Variants in ACBD6 observed in about 807,000 individuals in gnomAD.
ACBD6 encodes acyl-CoA binding domain containing 6, also known as acyl-CoA-binding domain-containing protein 6.
Under a neutral mutation model 37.2 loss-of-function variants are expected in ACBD6, and 28 were observed. The ratio of observed to expected loss-of-function variants is 0.75; its 90% CI spans 0.56 to 1.03. The LOEUF (loss-of-function observed/expected upper bound fraction) is 1.03, where lower values mean the gene tolerates loss of function less well. Among genes scored for constraint, ACBD6 ranks in the 50% least tolerant of loss-of-function variants. The pLI, the probability that ACBD6 is intolerant of heterozygous loss-of-function variation, is 0.00. For synonymous variants in ACBD6, 113 were observed against 126.8 expected, an observed-to-expected ratio of 0.89 and a Z score of 0.73; for missense variants, 340 against 337.4, an observed-to-expected ratio of 1.01 and a Z score of -0.06.
chr1:180,318,038 G>A (rs1020369836), intron 6 of ACBD6, among the ~76,000 whole-genome samples: 12 of 151,708 alleles, frequency 7.9e-5, no homozygotes, highest in Non-Finnish European at 1.5e-4. Context: ...TTAGCCAGGC[G>A]TTGGTGGCTT....
chr1:180,497,972 T>C (rs1397625940), intron 1 of ACBD6, among the ~76,000 whole-genome samples: 1 of 152,232 alleles, frequency 6.6e-6, no homozygotes, highest in Non-Finnish European at 1.5e-5. Flanking sequence ...CTCATATCAA[T>C]GAATTTTTCA....
At chr1:180,387,817 C>T (rs1191227747) in intron 6 of ACBD6, among the ~76,000 whole-genome samples, 1 of 152,142 alleles carries the variant, frequency 6.6e-6, no homozygotes, top group Non-Finnish European at 1.5e-5. Context: ...CTTATCTGCA[C>T]CCATTGGTAT....
At chr1:180,286,775 A>G (rs554625286), downstream of ACBD6, among the ~76,000 whole-genome samples, 1 of 152,352 alleles carries the variant, frequency 6.6e-6, no homozygotes, top group East Asian at 1.9e-4. Context: ...TCAGAAAATA[A>G]GAAGTTAAGA....
intron 5 of ACBD6, among the ~76,000 whole-genome samples, chr1:180,408,479 T>C (rs1362987572): frequency 1.3e-5 from 2 of 151,288 alleles, no homozygotes; most frequent in African/African-American, 2.4e-5. Flanking sequence ...TGAGAACACA[T>C]GGACATAGGA....
chr1:180,468,736 A>G (rs546205258), intron 3 of ACBD6, among the ~76,000 whole-genome samples: 1 of 152,254 alleles, frequency 6.6e-6, no homozygotes, highest in South Asian at 2.1e-4. Context: ...CCTAAATCAG[A>G]TATTTAAGGC....
At chr1:180,346,465 A>T (rs2101886669) in intron 6 of ACBD6, among the ~76,000 whole-genome samples, 1 of 152,280 alleles carries the variant, frequency 6.6e-6, no homozygotes, top group East Asian at 1.9e-4. Context: ...AACCACTTTC[A>T]TGATGGAGGG....
intron 3 of ACBD6, among the ~76,000 whole-genome samples, chr1:180,473,998 A>T (rs1343288286): frequency 6.6e-6 from 1 of 152,214 alleles, no homozygotes; most frequent in Admixed American, 6.5e-5. Flanking sequence ...AATCTTATAC[A>T]TAATAGGGTT....
chr1:180,501,132 C>T (rs755042538), intron 1 of ACBD6, among the ~76,000 whole-genome samples: 3 of 152,106 alleles, frequency 2.0e-5, no homozygotes, highest in Non-Finnish European at 4.4e-5. Flanking sequence ...ATTTGTATGA[C>T]CCTAGGAAAG....
At chr1:180,414,445 T>A (rs1647992808) in intron 4 of ACBD6, among the ~76,000 whole-genome samples, 2 of 152,236 alleles carry the variant, frequency 1.3e-5, no homozygotes, top group South Asian at 2.1e-4. Flanking sequence ...ACATCTTGTG[T>A]CATACAGAAA....
chr1:180,331,149 GTAGC>G (rs1651464431), intron 6 of ACBD6, among the ~76,000 whole-genome samples: 1 of 152,162 alleles, frequency 6.6e-6, no homozygotes, highest in African/African-American at 2.4e-5. Flanking sequence ...CAATATAACA[GTAGC>G]TTCTAGGGTC....
At chr1:180,327,750 A>G (rs964770944) in intron 6 of ACBD6, among the ~76,000 whole-genome samples, 5 of 152,200 alleles carry the variant, frequency 3.3e-5, no homozygotes, top group South Asian at 2.1e-4. Context: ...TGATAATACA[A>G]TGAAGGTCTA....
intron 3 of ACBD6, among the ~76,000 whole-genome samples, chr1:180,489,906 G>A (rs1028912656): frequency 6.6e-6 from 1 of 152,054 alleles, no homozygotes; most frequent in Non-Finnish European, 1.5e-5. Context: ...TGATCCACCC[G>A]CCTCAGCCTC....
chr1:180,350,348 A>T (rs1652361557), intron 6 of ACBD6, among the ~76,000 whole-genome samples: 1 of 151,866 alleles, frequency 6.6e-6, no homozygotes, highest in Non-Finnish European at 1.5e-5. Flanking sequence ...CCTAATTCTG[A>T]TTTCTTCCCA....
chr1:180,273,754 G>A (rs1440208194), intron 11 of ACBD6: 4 of 231,392 alleles, frequency 1.7e-5, no homozygotes, highest in Non-Finnish European at 3.5e-5. Context: ...ATATGGGCCT[G>A]CTTGCTTCCC....
Position 180,502,024 on chromosome 1 carries a change from ACC to A in ACBD6, c.222+19_222+20del. 6.2e-7 allele frequency: 1 copy of A among 1,610,416 alleles called. No individual in the cohort carries two copies. The highest frequency in any genetic ancestry group is 1.1e-5 in the South Asian group (1 of 90,398). ...GGCTCCGTGTCTTTCTCCCCCATCCACCCTCTCCCTGCTACTTTACCTGTTTG... is the reference window on the plus strand; with the variant it reads ...GGCTCCGTGTCTTTCTCCCCCATCCACTCTCCCTGCTACTTTACCTGTTTG... On this transcript the variant is annotated intron_variant, in intron 1 of 7. Transcript: ENST00000367595.
At chr1:180,369,382 C>T (rs555846209) in intron 6 of ACBD6, among the ~76,000 whole-genome samples, 1 of 152,314 alleles carries the variant, frequency 6.6e-6, no homozygotes, top group African/African-American at 2.4e-5. Flanking sequence ...TGAGAGTGAG[C>T]TGGGTCATTT....
intron 7 of ACBD6, among the ~76,000 whole-genome samples, chr1:180,296,771 A>G (rs1393856943): frequency 6.6e-6 from 1 of 152,100 alleles, no homozygotes; most frequent in African/African-American, 2.4e-5. Context: ...CATACTGGAA[A>G]AAGATGCCAT....
At chr1:180,406,135 A>G (rs185184032) in intron 5 of ACBD6, among the ~76,000 whole-genome samples, 2 of 152,304 alleles carry the variant, frequency 1.3e-5, no homozygotes, top group East Asian at 3.9e-4. Context: ...TTACTATACC[A>G]GTAGGAAATA....
At chr1:180,388,827 T>C (rs1653953491) in intron 6 of ACBD6, among the ~76,000 whole-genome samples, 1 of 147,432 alleles carries the variant, frequency 6.8e-6, no homozygotes, top group African/African-American at 2.5e-5. Flanking sequence ...ATTAAAAACA[T>C]AAAATACTTA....
Sources: gnomAD v4.1 joint callset for allele counts (sites outside exome capture counted in the v4.1 genomes callset) on GRCh38, gnomAD v4.1.1 for gene constraint, MANE v1.5 for transcripts, NCBI Gene and HGNC (gene_info 2026-07-23, HGNC 2026-07-21) for gene names.